LY6S: variants seen among roughly 807,000 people sequenced by gnomAD.
LY6S encodes lymphocyte antigen 6 family member S.
chr8:143,051,744 C>T, the LY6S span, among the ~76,000 whole-genome samples: 1 of 150,214 alleles, frequency 6.7e-6, no homozygotes, highest in African/African-American at 2.5e-5. Flanking sequence ...GGCCGAAGCA[C>T]GTGGATCACT....
chr8:143,076,155 A>G, the LY6S span, among the ~76,000 whole-genome samples: 1 of 152,182 alleles, frequency 6.6e-6, no homozygotes, highest in South Asian at 2.1e-4. Flanking sequence ...TGCGCCGGGG[A>G]GACCATTCAG....
At chr8:143,053,768 G>C in the LY6S span, 1 of 152,232 alleles carries the variant, frequency 6.6e-6, no homozygotes, top group Non-Finnish European at 1.5e-5. Flanking sequence ...GAGAGTCAGT[G>C]TAGCTGAAAC....
chr8:143,074,402 A>G, the LY6S span, among the ~76,000 whole-genome samples: 1 of 152,030 alleles, frequency 6.6e-6, no homozygotes, highest in South Asian at 2.1e-4. Flanking sequence ...GATAATTTCT[A>G]TGGACCTGTC....
the LY6S span, among the ~76,000 whole-genome samples, chr8:143,041,424 C>A: frequency 1.3e-5 from 2 of 152,348 alleles, no homozygotes; most frequent in African/African-American, 2.4e-5. Context: ...TTAAGGTGAT[C>A]TCTCTTGTTC....
At chr8:143,043,377 C>G in the LY6S span, 1 of 619,570 alleles carries the variant, frequency 1.6e-6, no homozygotes, top group Admixed American at 3.3e-5. Context: ...AGGGCCCTGC[C>G]CCGGGGCCTC....
chr8:143,051,696 G>C, the LY6S span, among the ~76,000 whole-genome samples: 1 of 152,024 alleles, frequency 6.6e-6, no homozygotes, highest in South Asian at 2.1e-4. Context: ...TCCCAGCTGG[G>C]CACAGTGGCT....
chr8:143,041,153 A>G, the LY6S span, among the ~76,000 whole-genome samples: 3 of 152,196 alleles, frequency 2.0e-5, no homozygotes, highest in Admixed American at 1.3e-4. Flanking sequence ...CAGTCTGACC[A>G]AAATTTATTA....
chr8:143,044,948 A>C, the LY6S span: 1 of 760,854 alleles, frequency 1.3e-6, no homozygotes, highest in Non-Finnish European at 1.8e-6. Flanking sequence ...AGCCCCACAC[A>C]CCTGCCTGCA....
chr8:143,064,209 G>A, the LY6S span, among the ~76,000 whole-genome samples: 2 of 152,178 alleles, frequency 1.3e-5, no homozygotes, highest in Non-Finnish European at 2.9e-5. Context: ...TTCATAGTTA[G>A]GAATCCAGAT....
chr8:143,071,557 G>T, the LY6S span, among the ~76,000 whole-genome samples: 1 of 152,142 alleles, frequency 6.6e-6, no homozygotes, highest in South Asian at 2.1e-4. Flanking sequence ...GTGAGACAGG[G>T]CAGGATACAC....
the LY6S span, among the ~76,000 whole-genome samples, chr8:143,048,302 C>T: frequency 2.0e-5 from 3 of 152,144 alleles, no homozygotes; most frequent in East Asian, 3.9e-4. Flanking sequence ...CCAACCACAT[C>T]GGTTGCTCTC....
the LY6S span, among the ~76,000 whole-genome samples, chr8:143,069,140 A>T: frequency 1.2e-4 from 18 of 152,190 alleles, no homozygotes; most frequent in African/African-American, 4.1e-4. Flanking sequence ...GCTCTCTCTC[A>T]TCTCTTACGT....
At chr8:143,048,152 G>A in the LY6S span, among the ~76,000 whole-genome samples, 1 of 152,194 alleles carries the variant, frequency 6.6e-6, no homozygotes, top group South Asian at 2.1e-4. Context: ...GCAGTGCCAG[G>A]CTGCCTGGTT....
the LY6S span, among the ~76,000 whole-genome samples, chr8:143,043,947 C>T: frequency 6.6e-6 from 1 of 152,210 alleles, no homozygotes; most frequent in Non-Finnish European, 1.5e-5. Flanking sequence ...AGTGCTGGGA[C>T]TACAGTCATG....
the LY6S span, among the ~76,000 whole-genome samples, chr8:143,052,763 G>A: frequency 6.6e-6 from 1 of 152,298 alleles, no homozygotes; most frequent in East Asian, 1.9e-4. Context: ...ACACTTTAAA[G>A]CAAACCCTGG....
the LY6S span, chr8:143,049,258 C>T: frequency 1.9e-6 from 1 of 534,762 alleles, no homozygotes; most frequent in Non-Finnish European, 3.8e-6. Context: ...ACTGAACACC[C>T]CTGGGATGTA....
chr8:143,073,448 A>G, the LY6S span, among the ~76,000 whole-genome samples: 1 of 145,956 alleles, frequency 6.9e-6, no homozygotes, highest in South Asian at 2.2e-4. Flanking sequence ...TTCCTGTTTG[A>G]GGAGACAGCC....
At chr8:143,072,936 T>C in the LY6S span, among the ~76,000 whole-genome samples, 19 of 99,336 alleles carry the variant, frequency 1.9e-4, no homozygotes, top group South Asian at 4.4e-4. Context: ...GGTTCCTGTT[T>C]GAGGAGACAG....
the LY6S span, among the ~76,000 whole-genome samples, chr8:143,069,235 T>G: frequency 2.0e-5 from 3 of 152,230 alleles, no homozygotes; most frequent in Non-Finnish European, 2.9e-5. Context: ...GCTTCCGCAG[T>G]GAGGGCTTAG....
Sources: gnomAD v4.1 joint callset for allele counts (sites outside exome capture counted in the v4.1 genomes callset) on GRCh38, gnomAD v4.1.1 for gene constraint, MANE v1.5 for transcripts, NCBI Gene and HGNC (gene_info 2026-07-23, HGNC 2026-07-21) for gene names.